Variants in CDH23 observed in about 807,000 individuals in gnomAD.
The protein encoded by CDH23 is cadherin related 23, also known as cadherin-23.
Under a neutral mutation model 317.1 loss-of-function variants are expected in CDH23, and 189 were observed. The observed-to-expected ratio is 0.60, with a 90% CI of 0.53 to 0.67. The LOEUF (loss-of-function observed/expected upper bound fraction) is 0.67, where lower values mean the gene tolerates loss of function less well. CDH23 is among the 30% of genes least tolerant of loss of function. CDH23 has a pLI of 0.00. For missense variants in CDH23, 4,401 were observed against 4,592.4 expected (o/e 0.96, Z 1.20); for synonymous variants, 1,839 against 1,876.8 (o/e 0.98, Z 0.52).
At chr10:71,584,017 T>G (rs1052468005) in intron 9 of CDH23, among the ~76,000 whole-genome samples, 4 of 151,968 alleles carry the variant, frequency 2.6e-5, no homozygotes, top group African/African-American at 9.7e-5. Context: ...GCATCCCCAC[T>G]AAACCTAAAG....
rs1314427436 is a variant in CDH23, at chr10:71,773,280, C to T, written c.4846-4400C>T. On this transcript the variant is annotated intron_variant, in intron 38 of 69. Transcript: ENST00000224721. ...ACAGGCTGAGAGGGCCCCCAGGACG[C>T]CCCCATCCCACAGTTCCCACTCCAG... 6.8e-6 allele frequency: 10 copies of T among 1,480,672 alleles called. No homozygotes were observed. The African/African-American group carries it at 7.1e-5, about 10-fold the overall frequency. The allele number at this position is 1,480,672 out of a possible 1,614,324, so 91.7% of individuals were successfully genotyped here.
chr10:71,603,227 T>C (rs1177369879), intron 9 of CDH23, among the ~76,000 whole-genome samples: 1 of 152,148 alleles, frequency 6.6e-6, no homozygotes, highest in Non-Finnish European at 1.5e-5. Context: ...GGCTTTCTTC[T>C]CCTTGGGCGT....
chr10:71,751,958 T>C lies in CDH23; in HGVS notation c.4845+10037T>C. On this transcript the variant is annotated intron_variant, in intron 38 of 69. Coordinates refer to ENST00000224721, the MANE Select transcript of CDH23 (RefSeq NM_022124.6). The surrounding 1 kb of genome is among the most constrained non-coding windows in gnomAD (Gnocchi z 4.9). ...TTTTCTCTCCTCCCTTTCTCTCACC[T>C]ACATCCCCATCCCCAAGCCTCAGCA... 1.6e-6 allele frequency: 2 copies of C among 1,256,616 alleles called. No individual in the cohort carries two copies. Among genetic ancestry groups the C allele is most frequent in the Non-Finnish European group, 2.2e-6 (2 of 891,344 alleles). 77.8% of individuals were successfully genotyped at this position (1,256,616 alleles called of 1,614,324 possible).
At chr10:71,717,763 A>C (rs958910539) in intron 28 of CDH23, 4 of 152,244 alleles carry the variant, frequency 2.6e-5, no homozygotes, top group African/African-American at 9.6e-5. Context: ...TCCCAAGAGA[A>C]GCCAGAAATC....
intron 9 of CDH23, among the ~76,000 whole-genome samples, chr10:71,590,367 C>T (rs1859383429): frequency 6.6e-6 from 1 of 152,308 alleles, no homozygotes; most frequent in African/African-American, 2.4e-5. Context: ...CACTTGAAGG[C>T]ATTTCTTTTT....
intron 3 of CDH23, among the ~76,000 whole-genome samples, chr10:71,446,751 A>G (rs910341669): frequency 7.2e-5 from 11 of 152,274 alleles, no homozygotes; most frequent in South Asian, 4.1e-4. Context: ...AGTTTTCTGC[A>G]TTGAGTTTGC....
intron 1 of CDH23, among the ~76,000 whole-genome samples, chr10:71,414,741 G>C (rs925379664): frequency 6.6e-6 from 1 of 151,938 alleles, no homozygotes; most frequent in Non-Finnish European, 1.5e-5. Flanking sequence ...TTCTTTTTCT[G>C]TTTGTTTTCT....
intron 38 of CDH23, among the ~76,000 whole-genome samples, chr10:71,744,112 G>A (rs1839799129): frequency 6.6e-6 from 1 of 152,160 alleles, no homozygotes; most frequent in Admixed American, 6.5e-5. Flanking sequence ...TAGAAAAAAT[G>A]AGGGACAGGA....
At chr10:71,702,782 C>A in intron 24 of CDH23, 88 bp downstream of exon 24, 1 of 1,493,012 alleles carries the variant, frequency 6.7e-7, no homozygotes, top group Non-Finnish European at 9.3e-7. Flanking sequence ...CTTTGCAGGG[C>A]TGGGGCAGGG....
chr10:71,749,819 C>T (rs865820528), intron 38 of CDH23: 5 of 152,346 alleles, frequency 3.3e-5, no homozygotes, highest in Admixed American at 1.3e-4. Flanking sequence ...CCCCCCAACC[C>T]CCCAAGCAAT....
intron 22 of CDH23, among the ~76,000 whole-genome samples, chr10:71,701,532 G>C (rs902400666): frequency 3.3e-5 from 5 of 152,026 alleles, no homozygotes; most frequent in African/African-American, 1.2e-4. Context: ...CCAGTCCTGA[G>C]ACCCTGCCCC....
chr10:71,694,986 G>T (rs559815245), intron 21 of CDH23, among the ~76,000 whole-genome samples: 1 of 152,176 alleles, frequency 6.6e-6, no homozygotes, highest in Non-Finnish European at 1.5e-5. Context: ...GTCAAGGGAG[G>T]CTCCTACTAA....
At chr10:71,713,523 T>G in intron 28 of CDH23, 1 of 519,098 alleles carries the variant, frequency 1.9e-6, no homozygotes, top group Non-Finnish European at 3.4e-6. Flanking sequence ...AATGCTCCCC[T>G]CCCTGCATCG....
Position 71,724,084 on chromosome 10 carries a change from G to T in CDH23, c.3409G>T (p.Val1137Leu). The T allele has an allele frequency of 6.4e-7, 1 of 1,559,616 alleles. No homozygotes were observed. Among genetic ancestry groups the T allele is most frequent in the Non-Finnish European group, 8.7e-7 (1 of 1,151,454 alleles). Reference sequence around the variant, plus strand: ...CGCAGATGAGGGCGAGTTTGGGCGTGTGTGGTACCGCATCCTCCATGGTAA... The same window carrying T: ...CGCAGATGAGGGCGAGTTTGGGCGTTTGTGGTACCGCATCCTCCATGGTAA... ...TDADEGEFGR[V>L]WYRILHGNHG... Residue 1137 changes from valine to leucine, a missense_variant, in exon 29 of 70, where the codon GTG becomes TTG. This residue lies in a region of CDH23 where 3,068 missense variants were observed against 3,203.3 expected (regional missense o/e 0.96). Coordinates refer to ENST00000224721, the MANE Select transcript of CDH23 (RefSeq NM_022124.6).
chr10:71,628,029 T>C (rs1861828797), intron 11 of CDH23, among the ~76,000 whole-genome samples: 1 of 152,188 alleles, frequency 6.6e-6, no homozygotes, highest in South Asian at 2.1e-4. Context: ...CCTGCCCCAT[T>C]GGCCACCCCA....
intron 3 of CDH23, among the ~76,000 whole-genome samples, chr10:71,467,592 C>T (rs1851314239): frequency 6.6e-6 from 1 of 152,166 alleles, no homozygotes; most frequent in East Asian, 1.9e-4. Flanking sequence ...CAGGAGCTGA[C>T]TGGGGGGTTC....
At chr10:71,459,192 A>T (rs1445499608) in intron 3 of CDH23, among the ~76,000 whole-genome samples, 1 of 143,314 alleles carries the variant, frequency 7.0e-6, no homozygotes, top group Non-Finnish European at 1.5e-5. Context: ...GGCTCAAGTG[A>T]TCCTCCCATC....
chr10:71,445,528 C>G (rs1850113849), intron 2 of CDH23, among the ~76,000 whole-genome samples: 1 of 152,194 alleles, frequency 6.6e-6, no homozygotes, highest in East Asian at 1.9e-4. Context: ...TTTAAATGTT[C>G]TAGGAGCCGC....
chr10:71,591,216 A>G (rs1313331179), intron 9 of CDH23, among the ~76,000 whole-genome samples: 2 of 152,198 alleles, frequency 1.3e-5, no homozygotes, highest in Admixed American at 1.3e-4. Flanking sequence ...TAACAGCTTC[A>G]CCCGAATGCT....
Sources: gnomAD v4.1 joint callset for allele counts (sites outside exome capture counted in the v4.1 genomes callset) on GRCh38, gnomAD v4.1.1 for gene constraint, gnomAD v4.1.1 regional missense constraint, Gnocchi (gnomAD v3.1) non-coding constraint, MANE v1.5 for transcripts, NCBI Gene and HGNC (gene_info 2026-07-23, HGNC 2026-07-21) for gene names.